CDC14B: variants seen among roughly 807,000 people sequenced by gnomAD.
CDC14B encodes the protein cell division cycle 14B, also known as dual specificity protein phosphatase CDC14B.
CDC14B carries 22 observed loss-of-function variants against 64.2 expected under a neutral mutation model. That is an observed-to-expected ratio of 0.34 (90% CI 0.24 to 0.49). The LOEUF (loss-of-function observed/expected upper bound fraction) is 0.49, where lower values mean the gene tolerates loss of function less well. CDC14B is among the 20% of genes least tolerant of loss of function. The probability of loss-of-function intolerance (pLI) is 0.99; values close to 1 mark genes in which losing one functional copy is unlikely to be tolerated. For missense variants in CDC14B, 498 were observed against 629.9 expected (o/e 0.79, Z 2.24); for synonymous variants, 191 against 215.8 (o/e 0.89, Z 1.01).
rs1427718344 is a variant in CDC14B, at chr9:96,619,409, G to A, written c.-31C>T. On this transcript the variant is annotated 5_prime_UTR_variant, in exon 1 of 14. Coordinates refer to ENST00000375241, the MANE Select transcript of CDC14B (RefSeq NM_033331.4). ...CGGCCGCGGCCCGTCAGGGGGCCAC[G>A]ACCATGGCCCCGCGCGCCCGCGCGC... is the stretch of plus-strand genomic sequence containing the variant. 9 of 1,155,590 alleles carry A rather than the reference G, an allele frequency of 7.8e-6. No individual in the cohort carries two copies. The highest frequency in any genetic ancestry group is 4.0e-5 in the East Asian group (1 of 25,268). The allele number at this position is 1,155,590 out of a possible 1,614,324, so 71.6% of individuals were successfully genotyped here.
intron 12 of CDC14B, among the ~76,000 whole-genome samples, chr9:96,517,072 G>A (rs1051881376): frequency 2.6e-5 from 4 of 151,580 alleles, no homozygotes; most frequent in African/African-American, 9.7e-5. Context: ...GGGCGCAGTG[G>A]CTCATGCCTG....
chr9:96,539,184 G>C (rs1231089672), intron 6 of CDC14B, 44 bp from the exon 7 acceptor site: 1 of 1,343,146 alleles, frequency 7.4e-7, no homozygotes, highest in East Asian at 2.3e-5. Context: ...ATGCAAATAA[G>C]AAAACAGTTT....
chr9:96,591,296 A>G (rs1224377211), intron 1 of CDC14B, among the ~76,000 whole-genome samples: 17 of 152,214 alleles, frequency 1.1e-4, no homozygotes, highest in Non-Finnish European at 1.5e-5. Context: ...GTAAGGTAAG[A>G]GTCCAACCTC....
Position 96,618,472 on chromosome 9 carries a change from C to A in CDC14B, c.160+747G>T, listed in dbSNP as rs141502481. 1,572 of 533,168 alleles carry A rather than the reference C, an allele frequency of 2.9e-3. 15 individuals are homozygous for A. The highest frequency in any genetic ancestry group is 0.025 in the African/African-American group (1,323 of 52,078). 33.0% of individuals were successfully genotyped at this position (533,168 alleles called of 1,614,324 possible). ...AGTCGAATCAGCACTAACAGAACAG[C>A]TATCGAAGGGCTGCTTGGCTACCTG... On this transcript the variant is annotated intron_variant, in intron 1 of 13. Coordinates refer to ENST00000375241, the MANE Select transcript of CDC14B (RefSeq NM_033331.4).
intron 12 of CDC14B, among the ~76,000 whole-genome samples, chr9:96,518,340 C>T (rs1836075580): frequency 6.6e-6 from 1 of 152,024 alleles, no homozygotes; most frequent in Non-Finnish European, 1.5e-5. Flanking sequence ...CACGGTGAAA[C>T]CCCATCTCTA....
At chr9:96,549,579 C>T (rs1841494542) in intron 5 of CDC14B, among the ~76,000 whole-genome samples, 1 of 151,906 alleles carries the variant, frequency 6.6e-6, no homozygotes, top group Non-Finnish European at 1.5e-5. Context: ...GCAGAAGAAT[C>T]GCTTGAACTT....
chr9:96,494,986 C>T (rs1328309053), intron 13 of CDC14B, among the ~76,000 whole-genome samples: 1 of 151,706 alleles, frequency 6.6e-6, no homozygotes, highest in Non-Finnish European at 1.5e-5. Flanking sequence ...AGGTACCTGC[C>T]ACCACGCCCG....
intron 1 of CDC14B, among the ~76,000 whole-genome samples, chr9:96,591,235 G>A (rs1426410622): frequency 3.3e-5 from 5 of 152,200 alleles, no homozygotes; most frequent in Admixed American, 3.3e-4. Context: ...TATAGTTTCT[G>A]GTCTTATGTT....
At chr9:96,534,859 T>C (rs1225216295) in intron 7 of CDC14B, among the ~76,000 whole-genome samples, 1 of 152,222 alleles carries the variant, frequency 6.6e-6, no homozygotes, top group African/African-American at 2.4e-5. Flanking sequence ...TTATAGTTGC[T>C]GCTAATTAAT....
rs753115360 is a variant in CDC14B at position 96,520,355 on chromosome 9, T to C, written c.1343+2151A>G. Among the ~76,000 whole-genome samples, 31 of 152,202 alleles carry C rather than the reference T, an allele frequency of 2.0e-4. 2 individuals are homozygous for C. Among genetic ancestry groups the C allele is most frequent in the Non-Finnish European group, 8.8e-5 (6 of 68,040 alleles). On this transcript the variant is annotated intron_variant, in intron 12 of 13. Transcript: ENST00000375241. ...TTTTAACTTTTACCATTGTACTTGATTTTACTTATTTATTTAGACAGGGTC... is the reference window on the plus strand; with the variant it reads ...TTTTAACTTTTACCATTGTACTTGACTTTACTTATTTATTTAGACAGGGTC...
intron 2 of CDC14B, among the ~76,000 whole-genome samples, chr9:96,565,149 T>C (rs1843732384): frequency 6.6e-6 from 1 of 152,028 alleles, no homozygotes; most frequent in South Asian, 2.1e-4. Flanking sequence ...CACAATATCT[T>C]ACTTAGTACA....
chr9:96,503,649 G>A lies in CDC14B; in HGVS notation c.*104C>T. The A allele has an allele frequency of 2.0e-6, 2 of 991,704 alleles. No homozygotes were observed. Among genetic ancestry groups the A allele is most frequent in the Admixed American group, 2.1e-5 (1 of 47,892 alleles). 61.4% of individuals were successfully genotyped at this position (991,704 alleles called of 1,614,324 possible). On this transcript the variant is annotated 3_prime_UTR_variant, in exon 14 of 14. Transcript: ENST00000375241. ...TTGATCAACTTCTTAGGTGGAAAAAGCAACTAAGGCTTTTGCAATTTTGTT... is the reference window on the plus strand; with the variant it reads ...TTGATCAACTTCTTAGGTGGAAAAAACAACTAAGGCTTTTGCAATTTTGTT...
At chr9:96,589,788 C>T (rs570075820) in intron 1 of CDC14B, among the ~76,000 whole-genome samples, 40 of 151,552 alleles carry the variant, frequency 2.6e-4, no homozygotes, top group Middle Eastern at 3.4e-3. Flanking sequence ...GAAACCCTGT[C>T]TCTACTAAAA....
At chr9:96,551,939 A>G (rs1841897889) in intron 4 of CDC14B, 67 bp from the exon 5 acceptor site, 2 of 1,540,670 alleles carry the variant, frequency 1.3e-6, no homozygotes, top group Admixed American at 4.1e-5. Context: ...GTCACTGCGA[A>G]GTAAATTTTG....
chr9:96,581,232 A>G (rs1845131083), intron 1 of CDC14B, among the ~76,000 whole-genome samples: 2 of 152,128 alleles, frequency 1.3e-5, no homozygotes, highest in East Asian at 3.8e-4. Flanking sequence ...CTCTGTCTCA[A>G]AAAAGAAAAA....
chr9:96,496,773 G>A (rs1370000391), downstream of CDC14B, among the ~76,000 whole-genome samples: 9 of 152,342 alleles, frequency 5.9e-5, no homozygotes, highest in African/African-American at 1.9e-4. Flanking sequence ...CCTCCGAGAA[G>A]CCCCTTCCTC....
chr9:96,576,432 A>C (rs1844806108), intron 1 of CDC14B, among the ~76,000 whole-genome samples: 1 of 152,098 alleles, frequency 6.6e-6, no homozygotes, highest in Non-Finnish European at 1.5e-5. Flanking sequence ...GGAGTTTGAG[A>C]CCAGCCTGAC....
chr9:96,575,950 A>T (rs1331032625), intron 1 of CDC14B, among the ~76,000 whole-genome samples: 1 of 152,260 alleles, frequency 6.6e-6, no homozygotes, highest in East Asian at 1.9e-4. Flanking sequence ...TTGCTAGGAA[A>T]AAAGAAAGTA....
chr9:96,523,444 A>G (rs764700018), intron 10 of CDC14B, 24 bp from the exon 11 acceptor site: 9 of 1,608,356 alleles, frequency 5.6e-6, no homozygotes, highest in Non-Finnish European at 6.8e-6. Context: ...ATAACATCAA[A>G]ATAGAGCTTT....
Sources: allele counts gnomAD v4.1 joint callset (sites outside exome capture counted in the v4.1 genomes callset), GRCh38; gene constraint gnomAD v4.1.1; transcripts MANE v1.5; gene names NCBI Gene and HGNC (gene_info 2026-07-23, HGNC 2026-07-21).